Variants in ADGRL3 observed in about 807,000 individuals in gnomAD.
ADGRL3 encodes adhesion G protein-coupled receptor L3.
In ADGRL3, 62 loss-of-function variants were observed where a neutral mutation model predicts 153.5. That is an observed-to-expected ratio of 0.40 (90% CI 0.33 to 0.50). The LOEUF is 0.50. Ranked by LOEUF, ADGRL3 falls within the 20% of genes least tolerant of loss-of-function variation. The pLI, the probability that ADGRL3 is intolerant of heterozygous loss-of-function variation, is 0.47. For missense variants in ADGRL3, 1,641 were observed against 1,859.4 expected, an observed-to-expected ratio of 0.88 and a Z score of 2.16; for synonymous variants, 710 against 672.5, an observed-to-expected ratio of 1.06 and a Z score of -0.86.
At chr4:61,475,424 C>T (rs1243554843) in intron 2 of ADGRL3, among the ~76,000 whole-genome samples, 2 of 152,180 alleles carry the variant, frequency 1.3e-5, no homozygotes, top group South Asian at 4.1e-4. Context: ...TCCTGTCATT[C>T]CCACTTAGTC....
At chr4:61,211,135 G>A (rs73212231) in intron 1 of ADGRL3, among the ~76,000 whole-genome samples, 10,070 of 152,184 alleles carry the variant, frequency 0.066, 833 homozygotes, top group African/African-American at 0.19. Context: ...TAGAATGGGT[G>A]TTTTCACTAT....
intron 2 of ADGRL3, among the ~76,000 whole-genome samples, chr4:61,488,074 G>A (rs781023576): frequency 1.3e-4 from 20 of 151,958 alleles, no homozygotes; most frequent in African/African-American, 4.3e-4. Flanking sequence ...ATCCTGTGTC[G>A]AACATTAATC....
At chr4:61,936,492 T>C (rs1331754386) in intron 15 of ADGRL3, among the ~76,000 whole-genome samples, 1 of 152,102 alleles carries the variant, frequency 6.6e-6, no homozygotes, top group Non-Finnish European at 1.5e-5. Context: ...TACAAACATT[T>C]AAATGTAAGG....
chr4:61,861,730 C>T (rs2098341917), intron 9 of ADGRL3, among the ~76,000 whole-genome samples: 1 of 152,014 alleles, frequency 6.6e-6, no homozygotes, highest in South Asian at 2.1e-4. Flanking sequence ...TTTTACTCCA[C>T]CATGTCTACG....
At chr4:61,914,340 G>A (rs934619499) in intron 13 of ADGRL3, among the ~76,000 whole-genome samples, 6 of 152,016 alleles carry the variant, frequency 3.9e-5, no homozygotes, top group African/African-American at 1.4e-4. Context: ...CATGACTCAG[G>A]CCCCTATAAC....
chr4:61,684,403 C>T (rs1423129364), intron 6 of ADGRL3, among the ~76,000 whole-genome samples: 2 of 152,088 alleles, frequency 1.3e-5, no homozygotes, highest in African/African-American at 2.4e-5. Context: ...AACTCCTAGA[C>T]AGTCTCATCA....
intron 13 of ADGRL3, among the ~76,000 whole-genome samples, chr4:61,919,396 T>G (rs1478719182): frequency 2.6e-5 from 4 of 152,210 alleles, no homozygotes; most frequent in Non-Finnish European, 5.9e-5. Context: ...AATCTGCACT[T>G]GATTTATGTC....
intron 17 of ADGRL3, among the ~76,000 whole-genome samples, chr4:61,952,201 C>A (rs900604733): frequency 6.6e-6 from 1 of 151,996 alleles, no homozygotes. Context: ...CCAGACCAGG[C>A]GTGGTGGCTT....
intron 8 of ADGRL3, among the ~76,000 whole-genome samples, chr4:61,775,288 CTA>C (rs994280295): frequency 8.0e-5 from 12 of 150,884 alleles, no homozygotes; most frequent in African/African-American, 2.4e-4. Context: ...ATGAACAAGA[CTA>C]TTGATTTAGC....
At chr4:61,844,112 G>A (rs141345348) in intron 9 of ADGRL3, among the ~76,000 whole-genome samples, 47 of 150,742 alleles carry the variant, frequency 3.1e-4, no homozygotes, top group African/African-American at 8.8e-4. Context: ...TTTGGAAATC[G>A]TATATTTTGT....
intron 9 of ADGRL3, among the ~76,000 whole-genome samples, chr4:61,817,466 C>T (rs80048019): frequency 0.011 from 1,748 of 152,286 alleles, 42 homozygotes; most frequent in African/African-American, 0.039. Context: ...GATGACCTGC[C>T]TGCAGAAGGG....
chr4:61,950,433 C>G (rs1358528269), intron 17 of ADGRL3, among the ~76,000 whole-genome samples: 21 of 152,062 alleles, frequency 1.4e-4, no homozygotes, highest in Non-Finnish European at 4.4e-5. Context: ...ACATTTCAAT[C>G]AGAGAAAACA....
intron 17 of ADGRL3, among the ~76,000 whole-genome samples, chr4:61,971,088 A>C (rs1467965605): frequency 6.6e-6 from 1 of 152,044 alleles, no homozygotes; most frequent in Non-Finnish European, 1.5e-5. Context: ...CTATATTACA[A>C]ATATTTCAGA....
intron 1 of ADGRL3, among the ~76,000 whole-genome samples, chr4:61,274,249 G>A (rs974435088): frequency 6.6e-6 from 1 of 152,120 alleles, no homozygotes; most frequent in African/African-American, 2.4e-5. Flanking sequence ...ATCTCTAACA[G>A]TTTAATGAGC....
rs565306118 is a variant in ADGRL3 at position 62,021,650 on chromosome 4, C to T, written c.3396-7205C>T. ...CCATTTTTCCAACAGCATGTGCTTA[C>T]TTCATAGATCTATGTCACATTTTGG... On this transcript the variant is annotated intron_variant, in intron 21 of 26. Transcript: ENST00000683033. Among the ~76,000 whole-genome samples the T allele has an allele frequency of 2.8e-4, 43 of 152,238 alleles. No individual in the cohort carries two copies. The South Asian group carries it at 8.7e-3, about 31-fold the overall frequency.
At chr4:62,061,842 G>C (rs184001329) in intron 25 of ADGRL3, among the ~76,000 whole-genome samples, 59 of 152,106 alleles carry the variant, frequency 3.9e-4, no homozygotes, top group Admixed American at 3.9e-3. Context: ...GAATACTACA[G>C]ATTGTTTGAC....
chr4:61,953,119 T>A (rs2150370230), intron 17 of ADGRL3, among the ~76,000 whole-genome samples: 1 of 152,262 alleles, frequency 6.6e-6, no homozygotes, highest in East Asian at 1.9e-4. Flanking sequence ...AGAAACACAC[T>A]AACCAAACTT....
At chr4:61,903,058 T>G (rs372767928) in intron 11 of ADGRL3, among the ~76,000 whole-genome samples, 5 of 152,304 alleles carry the variant, frequency 3.3e-5, no homozygotes, top group African/African-American at 1.2e-4. Flanking sequence ...CGGATGGAGA[T>G]AGCTAGACAC....
In ADGRL3 at chr4:61,282,060, T is replaced by C. The variant is rs190482694; in HGVS notation, c.-240+80295T>C. 2.0e-5 allele frequency among the ~76,000 whole-genome samples: 3 copies of C among 152,152 alleles called. No individual in the cohort carries two copies. The East Asian group carries it at 5.8e-4, about 29-fold the overall frequency. ...ATTCTGTATAGAATGACTTCTGATTTTCCTTTCTGCTAATAGGGAATATTG... is the reference window on the plus strand; with the variant it reads ...ATTCTGTATAGAATGACTTCTGATTCTCCTTTCTGCTAATAGGGAATATTG... On this transcript the variant is annotated intron_variant, in intron 1 of 26. Coordinates refer to ENST00000683033, the MANE Select transcript of ADGRL3 (RefSeq NM_001387552.1).
Sources: allele counts gnomAD v4.1 joint callset (sites outside exome capture counted in the v4.1 genomes callset), GRCh38; gene constraint gnomAD v4.1.1; transcripts MANE v1.5; gene names NCBI Gene and HGNC (gene_info 2026-07-23, HGNC 2026-07-21).